SMYD3: variants seen among roughly 807,000 people sequenced by gnomAD.
SMYD3 encodes the protein histone-lysine N-methyltransferase SMYD3.
In SMYD3, 36 loss-of-function variants were observed where a neutral mutation model predicts 57.7. That is an observed-to-expected ratio of 0.62 (90% confidence interval 0.48 to 0.82). SMYD3 has a LOEUF of 0.82. Ranked by LOEUF, SMYD3 falls within the 40% of genes least tolerant of loss-of-function variation. SMYD3 has a pLI of 0.00. For missense variants in SMYD3, 515 were observed against 538.8 expected (o/e 0.96, Z 0.44); for synonymous variants, 211 against 195.0 (o/e 1.08, Z -0.68).
intron 2 of SMYD3, among the ~76,000 whole-genome samples, chr1:246,343,120 T>C (rs1243901034): frequency 6.6e-6 from 1 of 152,214 alleles, no homozygotes; most frequent in Non-Finnish European, 1.5e-5. Flanking sequence ...CTAAAATATT[T>C]ACTATATAGT....
intron 8 of SMYD3, among the ~76,000 whole-genome samples, chr1:245,900,416 C>T (rs1361227407): frequency 6.6e-6 from 1 of 152,132 alleles, no homozygotes; most frequent in Non-Finnish European, 1.5e-5. Context: ...ATTACCCCAT[C>T]TTTTTTCTCC....
chr1:246,247,393 T>A (rs2148489894), intron 5 of SMYD3, among the ~76,000 whole-genome samples: 1 of 151,800 alleles, frequency 6.6e-6, no homozygotes, highest in African/African-American at 2.4e-5. Context: ...TTCAACAGAC[T>A]ACCAGGACAG....
intron 5 of SMYD3, among the ~76,000 whole-genome samples, chr1:246,051,946 A>G (rs1278248745): frequency 6.6e-6 from 1 of 152,244 alleles, no homozygotes; most frequent in Non-Finnish European, 1.5e-5. Flanking sequence ...CACTGCTGGC[A>G]TGATCACAAC....
At chr1:245,922,294 A>G (rs1416926568) in intron 7 of SMYD3, among the ~76,000 whole-genome samples, 1 of 152,252 alleles carries the variant, frequency 6.6e-6, no homozygotes, top group African/African-American at 2.4e-5. Context: ...ACCTTCATTT[A>G]AAGTGAAACT....
At chr1:246,176,507 G>A (rs2062437013) in intron 5 of SMYD3, among the ~76,000 whole-genome samples, 1 of 152,212 alleles carries the variant, frequency 6.6e-6, no homozygotes, top group Non-Finnish European at 1.5e-5. Context: ...TCGAAGCAAT[G>A]AGATTAATGC....
intron 1 of SMYD3, among the ~76,000 whole-genome samples, chr1:246,435,898 A>C (rs2067364891): frequency 6.6e-6 from 1 of 151,872 alleles, no homozygotes; most frequent in East Asian, 1.9e-4. Context: ...CCTCTATTAG[A>C]GTTTTTGCTA....
chr1:246,432,818 T>C (rs954887600), intron 1 of SMYD3, among the ~76,000 whole-genome samples: 1 of 152,228 alleles, frequency 6.6e-6, no homozygotes, highest in Non-Finnish European at 1.5e-5. Context: ...TTTCAGTGTT[T>C]GAATTATCAT....
At chr1:246,365,214 C>G (rs1383815778) in intron 1 of SMYD3, among the ~76,000 whole-genome samples, 1 of 150,824 alleles carries the variant, frequency 6.6e-6, no homozygotes, top group African/African-American at 2.4e-5. Flanking sequence ...AAGAGTTAGA[C>G]ATTATAAATT....
intron 5 of SMYD3, chr1:245,953,319 C>G: frequency 2.0e-6 from 2 of 996,376 alleles, no homozygotes; most frequent in Non-Finnish European, 2.4e-6. Context: ...AGACCAAAAT[C>G]TTTCAATTAA....
chr1:245,886,369 T>C (rs1195460689), intron 8 of SMYD3, among the ~76,000 whole-genome samples: 1 of 152,044 alleles, frequency 6.6e-6, no homozygotes, highest in East Asian at 1.9e-4. Context: ...CAACAAAGGT[T>C]GAAAGAAGAG....
At chr1:246,320,046 T>C (rs1225667781) in intron 5 of SMYD3, among the ~76,000 whole-genome samples, 1 of 152,202 alleles carries the variant, frequency 6.6e-6, no homozygotes, top group Non-Finnish European at 1.5e-5. Context: ...GATTTTCTCT[T>C]GCTTTATTTC....
intron 8 of SMYD3, among the ~76,000 whole-genome samples, chr1:245,910,099 C>A (rs1226996549): frequency 6.6e-6 from 1 of 152,116 alleles, no homozygotes; most frequent in East Asian, 1.9e-4. Context: ...CTGATAAATT[C>A]AGTTAAGTCG....
In SMYD3 at chr1:246,489,518, C is replaced by T. The variant is rs1285118704; in HGVS notation, c.164+17536G>A. The stretch of plus-strand genomic sequence containing the variant: ...AGGGTTTAAGAGGCAGAAGGTTAAA[C>T]AACTAAGGAGAAAGAAAAAGGACAG... On this transcript the variant is annotated intron_variant, in intron 1 of 11. Coordinates refer to ENST00000490107, the MANE Select transcript of SMYD3 (RefSeq NM_001167740.2). Among the ~76,000 whole-genome samples the T allele has an allele frequency of 2.0e-5, 3 of 152,144 alleles. 1 individual carries two copies. The South Asian group carries it at 6.2e-4, about 32-fold the overall frequency.
At chr1:246,500,065 G>A (rs910949726) in intron 1 of SMYD3, among the ~76,000 whole-genome samples, 5 of 142,184 alleles carry the variant, frequency 3.5e-5, no homozygotes, top group Admixed American at 7.2e-5. Flanking sequence ...CATCACCACA[G>A]ACACTGGGCC....
intron 1 of SMYD3, among the ~76,000 whole-genome samples, chr1:246,441,009 T>A (rs2067454499): frequency 6.6e-6 from 1 of 152,172 alleles, no homozygotes; most frequent in Admixed American, 6.6e-5. Context: ...GGGAGCAACA[T>A]GGTCCTCCAA....
intron 5 of SMYD3, among the ~76,000 whole-genome samples, chr1:246,266,231 TA>T (rs1188821132): frequency 6.6e-6 from 1 of 152,132 alleles, no homozygotes; most frequent in Non-Finnish European, 1.5e-5. Context: ...TCTTTTTTTG[TA>T]AAAAACAGGG....
intron 5 of SMYD3, among the ~76,000 whole-genome samples, chr1:246,317,733 T>C (rs1221688796): frequency 1.3e-5 from 2 of 152,156 alleles, no homozygotes; most frequent in Non-Finnish European, 2.9e-5. Context: ...TTGTACATGA[T>C]ATATATAATT....
chr1:246,080,470 C>T (rs980385505), intron 5 of SMYD3, among the ~76,000 whole-genome samples: 2 of 152,134 alleles, frequency 1.3e-5, no homozygotes, highest in Non-Finnish European at 2.9e-5. Context: ...CCATCCATCC[C>T]CTCCTCACCG....
intron 5 of SMYD3, among the ~76,000 whole-genome samples, chr1:246,177,698 A>T (rs1478524025): frequency 6.6e-6 from 1 of 152,220 alleles, no homozygotes; most frequent in Non-Finnish European, 1.5e-5. Flanking sequence ...TTGTGACCAG[A>T]TCAATTTCCA....
Sources: allele counts gnomAD v4.1 joint callset (sites outside exome capture counted in the v4.1 genomes callset), GRCh38; gene constraint gnomAD v4.1.1; transcripts MANE v1.5; gene names NCBI Gene and HGNC (gene_info 2026-07-23, HGNC 2026-07-21).